DIPK1B: variants seen among roughly 807,000 people sequenced by gnomAD.
DIPK1B encodes the protein family with sequence similarity 69 member B.
A neutral mutation model predicts 20.7 loss-of-function variants in DIPK1B; 17 were observed. The observed-to-expected ratio is 0.82, with a 90% CI of 0.56 to 1.23. DIPK1B has a LOEUF of 1.23. Ranked by LOEUF, DIPK1B falls within the 50% of genes most tolerant of loss-of-function variation. The pLI, the probability that DIPK1B is intolerant of heterozygous loss-of-function variation, is 0.00. For missense variants in DIPK1B, 648 were observed against 601.8 expected (o/e 1.08, Z -0.80); for synonymous variants, 343 against 276.5 (o/e 1.24, Z -2.39).
At chr9:136,721,538 G>A (rs1588284815) in intron 2 of DIPK1B, 1 of 232,742 alleles carries the variant, frequency 4.3e-6, no homozygotes, top group East Asian at 1.1e-4. Context: ...ACCGGCCAAT[G>A]CCTGGATGGT....
At chr9:136,717,894 C>T (rs62582166) in intron 2 of DIPK1B, among the ~76,000 whole-genome samples, 183 bp downstream of exon 2, 4,285 of 90,254 alleles carry the variant, frequency 0.047, 91 homozygotes, top group Admixed American at 0.12. Context: ...CAGGGGAGGA[C>T]GGGGGAGACG....
intron 2 of DIPK1B, among the ~76,000 whole-genome samples, chr9:136,720,230 C>T (rs1012409467): frequency 2.0e-5 from 3 of 151,872 alleles, no homozygotes; most frequent in Admixed American, 2.0e-4. Context: ...TCTGTCTTGA[C>T]GAAGAGCCGG....
In DIPK1B at chr9:136,717,430, T is replaced by C. The variant is rs1219424038; in HGVS notation, c.64-147T>C. ...GGTGTCGCTGAGCTGGGGGTGATTC[T>C]AGAAGACGGGGGTGCCAGGGGGCCA... On this transcript the variant is annotated intron_variant, in intron 1 of 4. Transcript: ENST00000371692. The C allele has an allele frequency of 5.7e-6, 5 of 878,012 alleles. No homozygotes were observed. The African/African-American group carries it at 6.8e-5, about 12-fold the overall frequency. 54.4% of individuals were successfully genotyped at this position (878,012 alleles called of 1,614,324 possible).
intron 1 of DIPK1B, among the ~76,000 whole-genome samples, chr9:136,715,292 G>A (rs974141018): frequency 6.6e-6 from 1 of 152,186 alleles, no homozygotes. Context: ...ATTTGCTAGG[G>A]GGCTGGGGAG....
At chr9:136,713,854 C>T (rs1268206373) in intron 1 of DIPK1B, among the ~76,000 whole-genome samples, 1 of 152,240 alleles carries the variant, frequency 6.6e-6, no homozygotes, top group Admixed American at 6.5e-5. Flanking sequence ...GCCTTGTGAA[C>T]TGCTTTTCTG....
intron 4 of DIPK1B, 147 bp downstream of exon 4, chr9:136,722,448 G>C: frequency 1.0e-6 from 1 of 975,542 alleles, no homozygotes; most frequent in Non-Finnish European, 1.5e-6. Flanking sequence ...CAGCCCCTGG[G>C]CATGAGCCCT....
Position 136,724,115 on chromosome 9 carries a change from C to T in DIPK1B, c.*341C>T. 2.0e-5 allele frequency: 6 copies of T among 300,416 alleles called. No individual in the cohort carries two copies. Among genetic ancestry groups the T allele is most frequent in the East Asian group, 1.0e-4 (1 of 9,682 alleles). 18.6% of individuals were successfully genotyped at this position (300,416 alleles called of 1,614,324 possible). A position where few individuals can be genotyped will look rare whatever the true frequency, so the allele number is the denominator to read the frequency against. On this transcript the variant is annotated 3_prime_UTR_variant, in exon 5 of 5. Coordinates refer to ENST00000371692, the MANE Select transcript of DIPK1B (RefSeq NM_152421.4). The stretch of plus-strand genomic sequence containing the variant: ...CGCCCCGCTGTGGATCCACCCAGCC[C>T]AGGCACTCAGGCTGGGGTTGAGCCC...
rs1846670550 is a variant in DIPK1B at position 136,724,389 on chromosome 9, G to A, written c.*615G>A. On this transcript the variant is annotated 3_prime_UTR_variant, in exon 5 of 5. Coordinates refer to ENST00000371692, the MANE Select transcript of DIPK1B (RefSeq NM_152421.4). ...TTAAAAACTGATTTTACAAAATCCA[G>A]CCATGAGATGTACAACTCATTCCCT... Among the ~76,000 whole-genome samples the A allele has an allele frequency of 6.6e-6, 1 of 152,170 alleles. No homozygotes were observed. Among genetic ancestry groups the A allele is most frequent in the Non-Finnish European group, 1.5e-5 (1 of 68,042 alleles).
chr9:136,713,950 C>T (rs963737636), intron 1 of DIPK1B, among the ~76,000 whole-genome samples: 5 of 152,220 alleles, frequency 3.3e-5, no homozygotes, highest in Admixed American at 3.3e-4. Flanking sequence ...GGGTGACCTT[C>T]CCTATCCTCC....
chr9:136,717,461 A>G (rs1025849944), intron 1 of DIPK1B, 116 bp from the exon 2 acceptor site: 2 of 1,223,536 alleles, frequency 1.6e-6, no homozygotes, highest in African/African-American at 1.5e-5. Flanking sequence ...GGCCAAGGGG[A>G]TGGCAGGGGA....
At position 136,722,269 on chromosome 9, in the gene DIPK1B, G is replaced by C. The variant is rs745583318; in HGVS notation, c.451G>C (p.Glu151Gln). ...GCCCACCCGGGGCACCTCCATCAAG[G>C]AATTCCGGGAGATGACCCTCAGCTT... Reference protein sequence around the residue: ...DKPTRGTSIKEFREMTLSFLK... With the variant: ...DKPTRGTSIKQFREMTLSFLK... The change falls in exon 4 of 5, where the codon GAA becomes CAA. Residue 151 changes from glutamate to glutamine, a missense_variant. Physicochemically the swap from Glu to Gln is conservative, Grantham distance 29. Coordinates refer to ENST00000371692, the MANE Select transcript of DIPK1B (RefSeq NM_152421.4). 1.2e-6 allele frequency: 2 copies of C among 1,613,610 alleles called. No individual in the cohort carries two copies.
chr9:136,719,769 C>CA (rs528375470), intron 2 of DIPK1B, among the ~76,000 whole-genome samples: 147 of 152,350 alleles, frequency 9.6e-4, no homozygotes, highest in African/African-American at 3.4e-3. Flanking sequence ...CCCAGCCTGG[C>CA]AGACAGCAGT....
rs1271323714 is a variant in DIPK1B, at chr9:136,723,929, T to G, written c.*155T>G. On this transcript the variant is annotated 3_prime_UTR_variant, in exon 5 of 5. Transcript: ENST00000371692. The stretch of plus-strand genomic sequence containing the variant: ...GCTCTGGATTCCAGCACCACAGACA[T>G]GAGACCCCAGCTCGGAGCAAAGGCG... 2.1e-5 allele frequency: 16 copies of G among 775,634 alleles called. No individual in the cohort carries two copies. The highest frequency in any genetic ancestry group is 3.2e-5 in the Non-Finnish European group (16 of 495,858). The allele number at this position is 775,634 out of a possible 1,614,324, so 48.0% of individuals were successfully genotyped here. A position where few individuals can be genotyped will look rare whatever the true frequency, so the allele number is the denominator to read the frequency against.
At chr9:136,719,838 C>T (rs1159624860) in intron 2 of DIPK1B, among the ~76,000 whole-genome samples, 3 of 152,116 alleles carry the variant, frequency 2.0e-5, no homozygotes, top group African/African-American at 4.8e-5. Context: ...CAGCCTCCTG[C>T]GGTCCTGGGG....
rs748647951 is a variant in DIPK1B, at chr9:136,724,110, C to T, written c.*336C>T. On this transcript the variant is annotated 3_prime_UTR_variant, in exon 5 of 5. Coordinates refer to ENST00000371692, the MANE Select transcript of DIPK1B (RefSeq NM_152421.4). ...CCCTTCGCCCCGCTGTGGATCCACCCAGCCCAGGCACTCAGGCTGGGGTTG... is the reference window on the plus strand; with the variant it reads ...CCCTTCGCCCCGCTGTGGATCCACCTAGCCCAGGCACTCAGGCTGGGGTTG... The T allele has an allele frequency of 6.4e-6, 2 of 310,796 alleles. No individual in the cohort carries two copies. Among genetic ancestry groups the T allele is most frequent in the Non-Finnish European group, 1.2e-5 (2 of 163,786 alleles). The allele number at this position is 310,796 out of a possible 1,614,324, so 19.3% of individuals were successfully genotyped here.
chr9:136,720,476 C>T (rs879348098), intron 2 of DIPK1B, among the ~76,000 whole-genome samples: 34 of 152,250 alleles, frequency 2.2e-4, no homozygotes, highest in African/African-American at 6.5e-4. Context: ...ATTCTCCCCC[C>T]CCCAGAGGGG....
rs552204326 is a variant in DIPK1B, at chr9:136,723,938, A to T, written c.*164A>T. 11 of 723,164 alleles carry T rather than the reference A, an allele frequency of 1.5e-5. No individual in the cohort carries two copies. The highest frequency in any genetic ancestry group is 1.4e-4 in the East Asian group (5 of 36,704). The allele number at this position is 723,164 out of a possible 1,614,324, so 44.8% of individuals were successfully genotyped here. A position where few individuals can be genotyped will look rare whatever the true frequency, so the allele number is the denominator to read the frequency against. Reference sequence around the variant, plus strand: ...TCCAGCACCACAGACATGAGACCCCAGCTCGGAGCAAAGGCGGACATGGAC... The same window carrying T: ...TCCAGCACCACAGACATGAGACCCCTGCTCGGAGCAAAGGCGGACATGGAC... On this transcript the variant is annotated 3_prime_UTR_variant, in exon 5 of 5. Transcript: ENST00000371692.
intron 4 of DIPK1B, 87 bp from the exon 5 acceptor site, chr9:136,722,875 C>T: frequency 7.2e-7 from 1 of 1,383,792 alleles, no homozygotes; most frequent in South Asian, 1.4e-5. Context: ...GGCAGACCAC[C>T]CCGCCAGGAG....
At chr9:136,719,502 A>AGTCCCAGCTTCCACCAGGGCCC (rs1189343973) in intron 2 of DIPK1B, among the ~76,000 whole-genome samples, 3 of 152,250 alleles carry the variant, frequency 2.0e-5, no homozygotes, top group Non-Finnish European at 4.4e-5. Flanking sequence ...GTGCAGGGCC[A>AGTCCCAGCTTCCACCAGGGCCC]GTCCCAGCTT....
Sources: allele counts gnomAD v4.1 joint callset (sites outside exome capture counted in the v4.1 genomes callset), GRCh38; gene constraint gnomAD v4.1.1; transcripts MANE v1.5; gene names NCBI Gene and HGNC (gene_info 2026-07-23, HGNC 2026-07-21).